DCC: variants seen among roughly 807,000 people sequenced by gnomAD.
The protein encoded by DCC is netrin receptor DCC.
A neutral mutation model predicts 172.5 loss-of-function variants in DCC; 58 were observed. The observed-to-expected ratio is 0.34, with a 90% CI of 0.27 to 0.42. DCC has a LOEUF of 0.42. Ranked by LOEUF, DCC falls within the 10% of genes least tolerant of loss-of-function variation. The pLI, the probability that DCC is intolerant of heterozygous loss-of-function variation, is 1.00. For synonymous variants in DCC, 709 were observed against 644.5 expected, an observed-to-expected ratio of 1.10 and a Z score of -1.52; for missense variants, 1,740 against 1,791.0, an observed-to-expected ratio of 0.97 and a Z score of 0.51.
At chr18:53,508,572 A>AAAAG (rs1279832625) in intron 27 of DCC, among the ~76,000 whole-genome samples, 3 of 152,202 alleles carry the variant, frequency 2.0e-5, no homozygotes, top group Non-Finnish European at 4.4e-5. Flanking sequence ...TGTTGCACTT[A>AAAAG]AAAGAATATA....
intron 27 of DCC, among the ~76,000 whole-genome samples, chr18:53,504,892 T>C (rs2046151265): frequency 6.6e-6 from 1 of 152,212 alleles, no homozygotes. Flanking sequence ...CAGCCAAATG[T>C]AAAGAATTTG....
chr18:52,454,393 A>G (rs1043178733), intron 1 of DCC, among the ~76,000 whole-genome samples: 1 of 152,160 alleles, frequency 6.6e-6, no homozygotes, highest in Admixed American at 6.5e-5. Flanking sequence ...TATGTATATA[A>G]TATATTCTAC....
intron 15 of DCC, among the ~76,000 whole-genome samples, chr18:53,350,106 A>T (rs2057772543): frequency 1.3e-5 from 2 of 152,182 alleles, no homozygotes; most frequent in Admixed American, 1.3e-4. Context: ...AAATATACAG[A>T]CACAGCCATT....
chr18:53,372,384 A>G (rs1568088922), intron 15 of DCC, among the ~76,000 whole-genome samples: 1 of 152,234 alleles, frequency 6.6e-6, no homozygotes, highest in African/African-American at 2.4e-5. Context: ...ACATGTTCTC[A>G]CTTATAAGTG....
At chr18:52,731,479 A>C (rs8098044) in intron 1 of DCC, among the ~76,000 whole-genome samples, 150,113 of 152,348 alleles carry the variant, frequency 0.99, 73,999 homozygotes, top group East Asian at 1. Context: ...CTTGCCTATG[A>C]AGTGGTTTCA....
intron 7 of DCC, 132 bp from the exon 8 acceptor site, chr18:53,157,224 G>C: frequency 8.9e-7 from 1 of 1,122,398 alleles, no homozygotes; most frequent in East Asian, 2.4e-5. Context: ...CATTCCCTTG[G>C]TTTTCTTCCT....
At chr18:52,648,050 GT>G (rs1255445620) in intron 1 of DCC, among the ~76,000 whole-genome samples, 1 of 152,244 alleles carries the variant, frequency 6.6e-6, no homozygotes, top group Non-Finnish European at 1.5e-5. Flanking sequence ...GGAACGAGAT[GT>G]TCAAAGGGAA....
chr18:52,866,552 C>T (rs955054843), intron 2 of DCC, among the ~76,000 whole-genome samples: 1 of 152,090 alleles, frequency 6.6e-6, no homozygotes, highest in Non-Finnish European at 1.5e-5. Context: ...TGTGTCCTCT[C>T]TTATTTCCTT....
intron 1 of DCC, among the ~76,000 whole-genome samples, chr18:52,401,366 A>G (rs983199377): frequency 3.9e-5 from 6 of 152,012 alleles, no homozygotes; most frequent in African/African-American, 7.2e-5. Context: ...ACTAGTTACA[A>G]CTTAACTTGG....
intron 5 of DCC, among the ~76,000 whole-genome samples, chr18:53,049,769 T>C (rs2042309448): frequency 6.6e-6 from 1 of 152,130 alleles, no homozygotes; most frequent in Non-Finnish European, 1.5e-5. Flanking sequence ...ATTGAGTCTA[T>C]AAATTGCTTT....
chr18:52,783,734 TACAC>T (rs1383280713), intron 2 of DCC, among the ~76,000 whole-genome samples: 1 of 151,964 alleles, frequency 6.6e-6, no homozygotes, highest in African/African-American at 2.4e-5. Flanking sequence ...TGTGTGTATG[TACAC>T]ACACACTTGT....
At chr18:53,368,637 C>T (rs2058030131) in intron 15 of DCC, among the ~76,000 whole-genome samples, 1 of 151,998 alleles carries the variant, frequency 6.6e-6, no homozygotes, top group Non-Finnish European at 1.5e-5. Flanking sequence ...TAAAAAGGGT[C>T]CAACTTCAAC....
At chr18:52,984,670 A>T (rs1039634003) in intron 5 of DCC, among the ~76,000 whole-genome samples, 3 of 152,102 alleles carry the variant, frequency 2.0e-5, no homozygotes, top group African/African-American at 7.2e-5. Flanking sequence ...AATCATAATT[A>T]TTTTGTTAGA....
intron 1 of DCC, among the ~76,000 whole-genome samples, chr18:52,353,501 C>CT (rs763385333): frequency 6.6e-5 from 10 of 152,210 alleles, no homozygotes; most frequent in Admixed American, 1.3e-4. Flanking sequence ...CTGACGGGGG[C>CT]TACCCCATAC....
intron 12 of DCC, among the ~76,000 whole-genome samples, chr18:53,276,287 T>A (rs1250175912): frequency 1.3e-5 from 2 of 152,178 alleles, no homozygotes; most frequent in African/African-American, 4.8e-5. Context: ...GATAATTAAA[T>A]CATCTTTGTA....
intron 8 of DCC, among the ~76,000 whole-genome samples, chr18:53,162,144 C>T (rs1416213607): frequency 6.6e-6 from 1 of 151,900 alleles, no homozygotes. Context: ...ACTAAACATA[C>T]AAAAATTAGC....
At chr18:52,611,248 C>T (rs762900690) in intron 1 of DCC, among the ~76,000 whole-genome samples, 2 of 152,058 alleles carry the variant, frequency 1.3e-5, no homozygotes, top group African/African-American at 4.8e-5. Flanking sequence ...AAGAAAACTC[C>T]CTCCCTGCCA....
At chr18:52,663,392 A>G (rs143035136) in intron 1 of DCC, among the ~76,000 whole-genome samples, 1 of 152,274 alleles carries the variant, frequency 6.6e-6, no homozygotes, top group East Asian at 1.9e-4. Flanking sequence ...ATGACAGCTG[A>G]GTGGCAGTTT....
intron 5 of DCC, among the ~76,000 whole-genome samples, chr18:53,022,125 T>G (rs2041889846): frequency 6.6e-6 from 1 of 152,210 alleles, no homozygotes; most frequent in Non-Finnish European, 1.5e-5. Flanking sequence ...TATTATAATG[T>G]ATATGTTTGA....
Sources: gnomAD v4.1 joint callset for allele counts (sites outside exome capture counted in the v4.1 genomes callset) on GRCh38, gnomAD v4.1.1 for gene constraint, MANE v1.5 for transcripts, NCBI Gene and HGNC (gene_info 2026-07-23, HGNC 2026-07-21) for gene names.